Variants in STAG1 observed in about 807,000 individuals in gnomAD.
STAG1 encodes cohesin subunit SA-1.
In STAG1, 26 loss-of-function variants were observed where a neutral mutation model predicts 170.9. That is an observed-to-expected ratio of 0.15 (90% CI 0.11 to 0.21). The LOEUF is 0.21. Ranked by LOEUF, STAG1 falls within the 10% of genes least tolerant of loss-of-function variation. The probability of loss-of-function intolerance (pLI) is 1.00; values close to 1 mark genes in which losing one functional copy is unlikely to be tolerated. For synonymous variants in STAG1, 514 were observed against 497.7 expected, an observed-to-expected ratio of 1.03 and a Z score of -0.44; for missense variants, 964 against 1,509.5, an observed-to-expected ratio of 0.64 and a Z score of 5.99.
chr3:136,473,249 G>A (rs1044787710), intron 11 of STAG1, among the ~76,000 whole-genome samples: 5 of 152,034 alleles, frequency 3.3e-5, no homozygotes, highest in Non-Finnish European at 5.9e-5. Context: ...CTACCTTATG[G>A]TGAGTTGTAT....
chr3:136,569,245 T>C (rs1043691619), intron 4 of STAG1, among the ~76,000 whole-genome samples: 1 of 151,876 alleles, frequency 6.6e-6, no homozygotes, highest in Non-Finnish European at 1.5e-5. Flanking sequence ...CAGTAGTGCA[T>C]AAAAAGAATG....
intron 22 of STAG1, among the ~76,000 whole-genome samples, chr3:136,392,918 T>C (rs772273001): frequency 1.1e-4 from 17 of 152,070 alleles, no homozygotes; most frequent in Non-Finnish European, 2.4e-4. Context: ...GAGCTCAAAT[T>C]TATGAGAACT....
chr3:136,552,959 C>T (rs1193042317), intron 5 of STAG1, among the ~76,000 whole-genome samples: 1 of 151,830 alleles, frequency 6.6e-6, no homozygotes, highest in Non-Finnish European at 1.5e-5. Context: ...CAAAAAGCAA[C>T]AAAATACACC....
chr3:136,400,853 G>T (rs1015888339), intron 21 of STAG1, among the ~76,000 whole-genome samples: 1 of 152,108 alleles, frequency 6.6e-6, no homozygotes, highest in African/African-American at 2.4e-5. Flanking sequence ...ATTTTCTAAA[G>T]GAAAGAATAT....
intron 29 of STAG1, 41 bp from the exon 30 acceptor site, chr3:136,344,047 A>T (rs766724279): frequency 4.1e-6 from 6 of 1,468,068 alleles, no homozygotes; most frequent in Non-Finnish European, 5.5e-6. Flanking sequence ...TCGTGGGTGG[A>T]GTGAACTCTG....
intron 9 of STAG1, among the ~76,000 whole-genome samples, chr3:136,495,633 G>A (rs1240604147): frequency 1.3e-5 from 2 of 151,658 alleles, no homozygotes; most frequent in South Asian, 4.2e-4. Context: ...AAGAGTTCGA[G>A]ACCAGCCTGA....
chr3:136,429,196 C>T (rs1411494355), intron 16 of STAG1, among the ~76,000 whole-genome samples: 1 of 144,394 alleles, frequency 6.9e-6, no homozygotes, highest in African/African-American at 2.6e-5. Flanking sequence ...GACCTGAAGT[C>T]AGGAGTTCGA....
At chr3:136,528,616 A>C (rs1482782146) in intron 6 of STAG1, among the ~76,000 whole-genome samples, 1 of 151,836 alleles carries the variant, frequency 6.6e-6, no homozygotes, top group Non-Finnish European at 1.5e-5. Context: ...AAAACAATTC[A>C]GCATATAAAC....
chr3:136,479,078 ATTTT>A (rs1249805254), intron 9 of STAG1, among the ~76,000 whole-genome samples: 3 of 126,984 alleles, frequency 2.4e-5, no homozygotes, highest in Non-Finnish European at 3.4e-5. Flanking sequence ...TTTTTTTTTA[ATTTT>A]TTTTTTTATT....
chr3:136,532,213 A>G (rs1048943406), intron 6 of STAG1, among the ~76,000 whole-genome samples: 2 of 152,152 alleles, frequency 1.3e-5, no homozygotes, highest in Non-Finnish European at 2.9e-5. Context: ...ATGAACAACT[A>G]TACACTAACA....
intron 1 of STAG1, among the ~76,000 whole-genome samples, chr3:136,715,993 C>G (rs1943531618): frequency 6.6e-6 from 1 of 151,848 alleles, no homozygotes; most frequent in African/African-American, 2.4e-5. Context: ...AGCTACTCAG[C>G]AGGCTGAAGC....
intron 1 of STAG1, among the ~76,000 whole-genome samples, chr3:136,723,659 G>A (rs1325192904): frequency 6.7e-6 from 1 of 148,308 alleles, no homozygotes; most frequent in Non-Finnish European, 1.5e-5. Context: ...GGGAGGTGGG[G>A]GGGTCAGCCC....
intron 28 of STAG1, among the ~76,000 whole-genome samples, chr3:136,354,462 CG>C (rs1040860430): frequency 6.6e-6 from 1 of 151,980 alleles, no homozygotes; most frequent in Admixed American, 6.6e-5. Context: ...CCACCATGCC[CG>C]GCTAATTTTT....
rs1393417717 is a variant in STAG1, at chr3:136,739,506, AAAAAAAAAAAAAAG to A, written c.-84+12675_-84+12688del. On this transcript the variant is annotated intron_variant, in intron 1 of 33. Transcript: ENST00000383202. ...AGCATGGGGCAACAGACTCCGTCAAAAAAAAAAAAAAAAGAAAAAAAAAAAAAGAAAGGCTAGGT... is the reference window on the plus strand; with the variant it reads ...AGCATGGGGCAACAGACTCCGTCAAAAAAAAAAAAAAAAGAAAGGCTAGGT... 5.1e-3 allele frequency among the ~76,000 whole-genome samples: 767 copies of A among 149,050 alleles called. 3 individuals carry two copies. Among genetic ancestry groups the A allele is most frequent in the Middle Eastern group, 0.018 (5 of 284 alleles).
At chr3:136,345,654 C>T (rs889010441) in intron 29 of STAG1, among the ~76,000 whole-genome samples, 1 of 152,098 alleles carries the variant, frequency 6.6e-6, no homozygotes, top group Non-Finnish European at 1.5e-5. Flanking sequence ...AGTATTACTG[C>T]TTTGGTTTTC....
At chr3:136,562,351 C>T (rs1186015231) in intron 5 of STAG1, among the ~76,000 whole-genome samples, 1 of 151,784 alleles carries the variant, frequency 6.6e-6, no homozygotes, top group Non-Finnish European at 1.5e-5. Context: ...ACCTCCGCCT[C>T]CTGGGCTCAC....
chr3:136,464,438 A>C (rs1042923102), intron 13 of STAG1, among the ~76,000 whole-genome samples: 2 of 151,926 alleles, frequency 1.3e-5, no homozygotes, highest in Non-Finnish European at 2.9e-5. Context: ...AAAAACAAAA[A>C]AACAAAAAAA....
At chr3:136,591,124 G>C (rs1362036425) in intron 4 of STAG1, among the ~76,000 whole-genome samples, 4 of 149,396 alleles carry the variant, frequency 2.7e-5, no homozygotes, top group African/African-American at 9.8e-5. Flanking sequence ...GACAAAATAT[G>C]TACAAACATT....
At chr3:136,649,772 T>G (rs1941153510) in intron 1 of STAG1, among the ~76,000 whole-genome samples, 1 of 151,464 alleles carries the variant, frequency 6.6e-6, no homozygotes, top group Admixed American at 6.6e-5. Flanking sequence ...AAAAAAGATT[T>G]TTTTTGTTTA....
Sources: gnomAD v4.1 joint callset for allele counts (sites outside exome capture counted in the v4.1 genomes callset) on GRCh38, gnomAD v4.1.1 for gene constraint, MANE v1.5 for transcripts, NCBI Gene and HGNC (gene_info 2026-07-23, HGNC 2026-07-21) for gene names.